Variants in CNTN5 observed in about 807,000 individuals in gnomAD.
The protein encoded by CNTN5 is contactin 5.
In CNTN5, 77 loss-of-function variants were observed where a neutral mutation model predicts 129.1. That is an observed-to-expected ratio of 0.60 (90% CI 0.50 to 0.72). The LOEUF is 0.72. Ranked by LOEUF, CNTN5 falls within the 30% of genes least tolerant of loss-of-function variation. The pLI is 0.00. For missense variants in CNTN5, 1,478 were observed against 1,328.8 expected, an observed-to-expected ratio of 1.11 and a Z score of -1.75; for synonymous variants, 509 against 465.6, an observed-to-expected ratio of 1.09 and a Z score of -1.20.
At position 100,212,417 on chromosome 11, in the gene CNTN5, C is replaced by T. The variant is rs192664942; in HGVS notation, c.1885-12275C>T. 2.6e-5 allele frequency among the ~76,000 whole-genome samples: 4 copies of T among 152,242 alleles called. No homozygotes were observed. The East Asian group carries it at 7.7e-4, about 29-fold the overall frequency. ...TCTTTGTATATCAACAATTTCCTTT[C>T]TGTGGGACAGATTACCAGGAATAGA... On this transcript the variant is annotated intron_variant, in intron 15 of 24. Transcript: ENST00000524871.
chr11:99,769,722 G>A (rs1332276903), intron 3 of CNTN5, among the ~76,000 whole-genome samples: 1 of 151,508 alleles, frequency 6.6e-6, no homozygotes, highest in Non-Finnish European at 1.5e-5. Context: ...GCTGAGGTGG[G>A]AGAATTGCTT....
chr11:100,265,012 G>C (rs1007675269), intron 17 of CNTN5, among the ~76,000 whole-genome samples: 1 of 151,902 alleles, frequency 6.6e-6, no homozygotes, highest in African/African-American at 2.4e-5. Context: ...TTATATGTTT[G>C]TTGGCCACAT....
At position 100,133,091 on chromosome 11, in the gene CNTN5, C is replaced by T. The variant is rs78644969; in HGVS notation, c.1581-58035C>T. The stretch of plus-strand genomic sequence containing the variant: ...CATAAATAAGAGATAGTTGGAAATT[C>T]TGTGGTAATTTTCTCAAAAATGACC... On this transcript the variant is annotated intron_variant, in intron 13 of 24. Coordinates refer to ENST00000524871, the MANE Select transcript of CNTN5 (RefSeq NM_014361.4). Among the ~76,000 whole-genome samples the T allele has an allele frequency of 4.9e-3, 741 of 152,126 alleles. 8 individuals carry two copies. Among genetic ancestry groups the T allele is most frequent in the African/African-American group, 0.017 (709 of 41,506 alleles).
At chr11:99,165,343 A>G (rs929938505) in intron 1 of CNTN5, among the ~76,000 whole-genome samples, 4 of 152,218 alleles carry the variant, frequency 2.6e-5, no homozygotes, top group African/African-American at 4.8e-5. Flanking sequence ...GGGGAGTCTA[A>G]TTATTAGGTA....
chr11:99,934,752 G>C (rs1297299798), intron 7 of CNTN5, among the ~76,000 whole-genome samples: 1 of 151,566 alleles, frequency 6.6e-6, no homozygotes, highest in Non-Finnish European at 1.5e-5. Context: ...GGGTGTGGTG[G>C]TATGCACCTG....
At chr11:99,411,068 T>G (rs1942369235) in intron 2 of CNTN5, among the ~76,000 whole-genome samples, 1 of 152,230 alleles carries the variant, frequency 6.6e-6, no homozygotes. Context: ...TTCTATTACA[T>G]TCACAGAAAA....
At chr11:100,241,039 C>A (rs1184337853) in intron 16 of CNTN5, among the ~76,000 whole-genome samples, 1 of 152,110 alleles carries the variant, frequency 6.6e-6, no homozygotes, top group Non-Finnish European at 1.5e-5. Context: ...TTATAGAAAA[C>A]TTTGTACAAA....
intron 8 of CNTN5, among the ~76,000 whole-genome samples, chr11:99,991,457 A>G (rs1483434739): frequency 1.3e-5 from 2 of 150,596 alleles, no homozygotes; most frequent in African/African-American, 4.9e-5. Context: ...ACAGAGTGAG[A>G]CTCTGTCTCA....
chr11:99,345,062 A>G (rs1209056895), intron 2 of CNTN5, among the ~76,000 whole-genome samples: 1 of 152,198 alleles, frequency 6.6e-6, no homozygotes, highest in East Asian at 1.9e-4. Context: ...TCTCAGGCCA[A>G]TATTTGAATT....
At chr11:99,612,388 C>T (rs1205905421) in intron 3 of CNTN5, among the ~76,000 whole-genome samples, 1 of 152,072 alleles carries the variant, frequency 6.6e-6, no homozygotes, top group South Asian at 2.1e-4. Context: ...CCCTCTGACC[C>T]CATCTTCCTC....
chr11:99,519,230 C>T (rs1023430238), intron 2 of CNTN5, among the ~76,000 whole-genome samples: 2 of 152,018 alleles, frequency 1.3e-5, no homozygotes, highest in Admixed American at 6.6e-5. Context: ...TTTCTACTCA[C>T]CCTTACGTTC....
chr11:99,868,228 A>G (rs1253598274), intron 6 of CNTN5, among the ~76,000 whole-genome samples: 2 of 152,124 alleles, frequency 1.3e-5, no homozygotes, highest in Non-Finnish European at 2.9e-5. Flanking sequence ...TAAAAAAAAA[A>G]AAACAAAAAA....
chr11:99,073,059 C>T (rs976261594), intron 1 of CNTN5, among the ~76,000 whole-genome samples: 43 of 152,212 alleles, frequency 2.8e-4, no homozygotes, highest in African/African-American at 9.9e-4. Flanking sequence ...GTGACATATT[C>T]GCTCCTTCGT....
intron 2 of CNTN5, among the ~76,000 whole-genome samples, chr11:99,336,882 T>C (rs765380213): frequency 1.3e-5 from 2 of 151,764 alleles, no homozygotes; most frequent in African/African-American, 4.8e-5. Flanking sequence ...ACAGTAGATA[T>C]AGAAAGAAGA....
intron 2 of CNTN5, among the ~76,000 whole-genome samples, chr11:99,419,217 A>G (rs1942786780): frequency 6.6e-6 from 1 of 152,124 alleles, no homozygotes; most frequent in Admixed American, 6.6e-5. Context: ...GCACAGCCTC[A>G]GGGATGGTAT....
chr11:100,289,420 T>G (rs920807872), intron 18 of CNTN5, among the ~76,000 whole-genome samples: 19 of 150,670 alleles, frequency 1.3e-4, no homozygotes, highest in African/African-American at 4.6e-4. Flanking sequence ...CATGATCACG[T>G]GGGCTTCACC....
intron 3 of CNTN5, among the ~76,000 whole-genome samples, chr11:99,754,543 G>A (rs1944348362): frequency 6.6e-6 from 1 of 152,140 alleles, no homozygotes; most frequent in African/African-American, 2.4e-5. Flanking sequence ...TACCTCCTAA[G>A]AGAAGTTGTG....
At chr11:99,946,603 G>A (rs1176621314) in intron 7 of CNTN5, among the ~76,000 whole-genome samples, 1 of 151,920 alleles carries the variant, frequency 6.6e-6, no homozygotes, top group Non-Finnish European at 1.5e-5. Context: ...AGAGAAAGGG[G>A]AAAAATAACT....
chr11:99,579,126 A>C (rs924562548), intron 3 of CNTN5, among the ~76,000 whole-genome samples: 2 of 152,128 alleles, frequency 1.3e-5, no homozygotes, highest in African/African-American at 4.8e-5. Flanking sequence ...GGTTTGTCAA[A>C]GATCAGATAG....
Sources: allele counts gnomAD v4.1 joint callset (sites outside exome capture counted in the v4.1 genomes callset), GRCh38; gene constraint gnomAD v4.1.1; transcripts MANE v1.5; gene names NCBI Gene and HGNC (gene_info 2026-07-23, HGNC 2026-07-21).